Variants in ASAP1 observed in about 807,000 individuals in gnomAD.
ASAP1 encodes the protein arf-GAP with SH3 domain, ANK repeat and PH domain-containing protein 1.
In ASAP1, 43 loss-of-function variants were observed where a neutral mutation model predicts 145.2. The ratio of observed to expected loss-of-function variants is 0.30; its 90% CI spans 0.23 to 0.38. ASAP1 has a LOEUF of 0.38. Among genes scored for constraint, ASAP1 ranks in the 10% least tolerant of loss-of-function variants. ASAP1 has a pLI of 1.00. For missense variants in ASAP1, 1,018 were observed against 1,355.3 expected (o/e 0.75, Z 3.91); for synonymous variants, 546 against 515.5 (o/e 1.06, Z -0.80).
At chr8:130,213,586 A>G (rs1410409394) in intron 5 of ASAP1, among the ~76,000 whole-genome samples, 1 of 152,228 alleles carries the variant, frequency 6.6e-6, no homozygotes, top group Admixed American at 6.5e-5. Flanking sequence ...AGGAGGTAAA[A>G]GCACAATACC....
intron 3 of ASAP1, among the ~76,000 whole-genome samples, chr8:130,241,333 C>G (rs1818514918): frequency 1.3e-5 from 2 of 152,086 alleles, no homozygotes; most frequent in Admixed American, 1.3e-4. Context: ...TTACCACATC[C>G]TGAAATGATC....
intron 1 of ASAP1, among the ~76,000 whole-genome samples, chr8:130,433,733 T>G (rs1830214537): frequency 6.6e-6 from 1 of 152,184 alleles, no homozygotes; most frequent in South Asian, 2.1e-4. Flanking sequence ...CTTATCTCAT[T>G]TTGAAACCCA....
chr8:130,057,902 C>T (rs573051684), intron 29 of ASAP1, 52 bp downstream of exon 29: 1 of 1,601,644 alleles, frequency 6.2e-7, no homozygotes, highest in Admixed American at 1.7e-5. Context: ...TGGTGCCTGC[C>T]CAGGCATGCT....
chr8:130,351,015 T>C (rs192519400), intron 3 of ASAP1, among the ~76,000 whole-genome samples: 1 of 152,338 alleles, frequency 6.6e-6, no homozygotes, highest in East Asian at 1.9e-4. Flanking sequence ...TGCAGCACTG[T>C]CTTTGATCAC....
chr8:130,262,074 A>G (rs1475288179), intron 3 of ASAP1, among the ~76,000 whole-genome samples: 1 of 152,030 alleles, frequency 6.6e-6, no homozygotes, highest in Non-Finnish European at 1.5e-5. Context: ...TATTTTATAC[A>G]TTGTCTTCAT....
chr8:130,395,956 G>A (rs62517707), intron 2 of ASAP1, among the ~76,000 whole-genome samples: 23,701 of 152,106 alleles, frequency 0.16, 2,289 homozygotes, highest in East Asian at 0.34. Flanking sequence ...GTGAGCCACC[G>A]CGCCTGGCCA....
intron 1 of ASAP1, among the ~76,000 whole-genome samples, chr8:130,440,373 G>T (rs1830450502): frequency 6.6e-6 from 1 of 152,040 alleles, no homozygotes; most frequent in Admixed American, 6.6e-5. Flanking sequence ...CAGGTGTGGT[G>T]GTGCATGCCT....
At chr8:130,064,897 G>GTGTGTGTGTA (rs1385367742) in intron 27 of ASAP1, among the ~76,000 whole-genome samples, 1 of 85,554 alleles carries the variant, frequency 1.2e-5, no homozygotes, top group Non-Finnish European at 2.6e-5. Context: ...CTAAGAATGT[G>GTGTGTGTGTA]TGTGTGTGTG....
intron 3 of ASAP1, among the ~76,000 whole-genome samples, chr8:130,263,616 C>T (rs2137001695): frequency 6.6e-6 from 1 of 152,244 alleles, no homozygotes; most frequent in African/African-American, 2.4e-5. Context: ...AAATGGTTCT[C>T]TCTGTTATTT....
chr8:130,079,788 T>TTGGC (rs2097474629), intron 26 of ASAP1, 114 bp downstream of exon 26: 2 of 1,078,524 alleles, frequency 1.9e-6, no homozygotes, highest in African/African-American at 3.2e-5. Flanking sequence ...CCTGCCCCAC[T>TTGGC]TGGCTGACCA....
Position 130,099,679 on chromosome 8 carries a change from T to C in ASAP1, c.2402-7536A>G, listed in dbSNP as rs139741089. On this transcript the variant is annotated intron_variant, in intron 24 of 29. Transcript: ENST00000518721. ...GTTGTAGCACATGAAAGGATTTCAT[T>C]CTTTTTTTTTTTTTTTTTTTTGAGA... Among the ~76,000 whole-genome samples the C allele has an allele frequency of 1.2e-3, 163 of 133,150 alleles. 1 individual carries two copies. Among genetic ancestry groups the C allele is most frequent in the African/African-American group, 4.5e-3 (154 of 33,894 alleles). The allele number at this position is 133,150 out of a possible 152,430, so 87.4% of individuals were successfully genotyped here. A position where few individuals can be genotyped will look rare whatever the true frequency, so the allele number is the denominator to read the frequency against.
chr8:130,342,368 C>T (rs1257992602), intron 3 of ASAP1, among the ~76,000 whole-genome samples: 1 of 152,112 alleles, frequency 6.6e-6, no homozygotes, highest in East Asian at 1.9e-4. Context: ...TCAGAACATC[C>T]AGTAACAGAG....
intron 1 of ASAP1, among the ~76,000 whole-genome samples, chr8:130,425,096 C>T (rs921258185): frequency 5.9e-5 from 9 of 152,190 alleles, no homozygotes; most frequent in Middle Eastern, 3.4e-3. Context: ...TTTGAGAGGC[C>T]GAAGTGGGCG....
chr8:130,327,631 G>C (rs1824421122), intron 3 of ASAP1, among the ~76,000 whole-genome samples: 1 of 152,190 alleles, frequency 6.6e-6, no homozygotes, highest in South Asian at 2.1e-4. Context: ...CAGTGGAATA[G>C]CTGCTAAAGT....
chr8:130,376,508 A>T (rs188669829), intron 2 of ASAP1, among the ~76,000 whole-genome samples: 5 of 152,296 alleles, frequency 3.3e-5, no homozygotes, highest in Non-Finnish European at 7.3e-5. Context: ...TGGGTGGATC[A>T]TGAGGTCAGG....
chr8:130,061,736 T>A (rs774278723), intron 27 of ASAP1, among the ~76,000 whole-genome samples: 1 of 152,234 alleles, frequency 6.6e-6, no homozygotes, highest in East Asian at 1.9e-4. Flanking sequence ...AAGGGATACA[T>A]AGTCTGAAAC....
At position 130,227,821 on chromosome 8, in the gene ASAP1, C is replaced by T. The variant is rs555713983; in HGVS notation, c.259+9101G>A. The stretch of plus-strand genomic sequence containing the variant: ...TGTTTTAAGTTCAGATAACGTGTGT[C>T]GTCGTTCTGAGGCTTACTAAGGGGT... On this transcript the variant is annotated intron_variant, in intron 4 of 29. Coordinates refer to ENST00000518721, the MANE Select transcript of ASAP1 (RefSeq NM_018482.4). Among the ~76,000 whole-genome samples the T allele has an allele frequency of 3.3e-5, 5 of 152,028 alleles. No individual in the cohort carries two copies. In the South Asian group the frequency reaches 6.2e-4, roughly 19 times the overall value.
At chr8:130,103,028 TA>T (rs2097531376) in intron 24 of ASAP1, among the ~76,000 whole-genome samples, 1 of 152,138 alleles carries the variant, frequency 6.6e-6, no homozygotes, top group African/African-American at 2.4e-5. Flanking sequence ...AGAATTCAAG[TA>T]ATAAAGCCAT....
At chr8:130,340,840 A>AC (rs745531902) in intron 3 of ASAP1, 2 of 452,140 alleles carry the variant, frequency 4.4e-6, no homozygotes, top group Non-Finnish European at 8.9e-6. Context: ...GAAGCTTAAT[A>AC]CCTTGTGACT....
Sources: gnomAD v4.1 joint callset for allele counts (sites outside exome capture counted in the v4.1 genomes callset) on GRCh38, gnomAD v4.1.1 for gene constraint, MANE v1.5 for transcripts, NCBI Gene and HGNC (gene_info 2026-07-23, HGNC 2026-07-21) for gene names.